Variants in RBFOX1 observed in about 807,000 individuals in gnomAD.
The protein encoded by RBFOX1 is RNA binding fox-1 homolog 1.
RBFOX1 carries 8 observed loss-of-function variants against 57.7 expected under a neutral mutation model. The ratio of observed to expected loss-of-function variants is 0.14; its 90% CI spans 0.08 to 0.25. The LOEUF (loss-of-function observed/expected upper bound fraction) is 0.25, where lower values mean the gene tolerates loss of function less well. RBFOX1 is among the 10% of genes least tolerant of loss of function. The pLI is 1.00. For synonymous variants in RBFOX1, 326 were observed against 222.4 expected (o/e 1.47, Z -4.15); for missense variants, 611 against 548.5 (o/e 1.11, Z -1.14).
At chr16:7,568,502 G>A (rs1027781371) in intron 5 of RBFOX1, among the ~76,000 whole-genome samples, 2 of 152,174 alleles carry the variant, frequency 1.3e-5, no homozygotes, top group South Asian at 4.2e-4. Flanking sequence ...TGGTTTCGGT[G>A]GGATTTGGCT....
chr16:7,431,561 A>G (rs1425509532), intron 4 of RBFOX1, among the ~76,000 whole-genome samples: 1 of 152,158 alleles, frequency 6.6e-6, no homozygotes, highest in Non-Finnish European at 1.5e-5. Flanking sequence ...TATGTCTTTT[A>G]TTTTTAAAAA....
At chr16:7,427,778 C>G (rs62015707) in intron 4 of RBFOX1, among the ~76,000 whole-genome samples, 1 of 151,930 alleles carries the variant, frequency 6.6e-6, no homozygotes, top group Non-Finnish European at 1.5e-5. Flanking sequence ...CTCAGCCTCC[C>G]GAGTAGCTGG....
At position 7,301,016 on chromosome 16, in the gene RBFOX1, T is replaced by C. The variant is rs1000554979; in HGVS notation, c.28-217131T>C. 9.3e-5 allele frequency among the ~76,000 whole-genome samples: 14 copies of C among 149,878 alleles called. No homozygotes were observed. The East Asian group carries it at 2.0e-3, about 22-fold the overall frequency. On this transcript the variant is annotated intron_variant, in intron 4 of 15. Coordinates refer to ENST00000550418, the MANE Select transcript of RBFOX1 (RefSeq NM_018723.4). The stretch of plus-strand genomic sequence containing the variant: ...ATTTTCTTTCCCCACTTCTCCCATT[T>C]ATTGATGTTGGAGAATCATGCCAGA...
intron 4 of RBFOX1, among the ~76,000 whole-genome samples, chr16:7,243,346 C>G (rs1203123431): frequency 6.6e-6 from 1 of 152,016 alleles, no homozygotes; most frequent in African/African-American, 2.4e-5. Context: ...ACCTTTAGTT[C>G]TTTTATGTAT....
At chr16:7,637,427 A>G (rs949180702) in intron 11 of RBFOX1, among the ~76,000 whole-genome samples, 1 of 152,240 alleles carries the variant, frequency 6.6e-6, no homozygotes, top group East Asian at 1.9e-4. Flanking sequence ...TTGATTGCAG[A>G]TTTTAAGGAA....
In RBFOX1 at chr16:5,751,934, A is replaced by G. The variant is rs2053221568; in HGVS notation, c.319-115369A>G. On this transcript the variant is annotated intron_variant, in intron 3 of 19. Coordinates refer to the RBFOX1 transcript ENST00000641259. ...CAATCCCATTCCTGGGTATATACCC[A>G]AAGGAATATAAATCGTTCTATTATA... Among the ~76,000 whole-genome samples, 7 of 152,216 alleles carry G rather than the reference A, an allele frequency of 4.6e-5. No individual in the cohort carries two copies. The South Asian group carries it at 1.4e-3, about 32-fold the overall frequency.
At chr16:7,599,691 G>A (rs1453044244) in intron 9 of RBFOX1, among the ~76,000 whole-genome samples, 1 of 132,766 alleles carries the variant, frequency 7.5e-6, no homozygotes, top group African/African-American at 3.3e-5. Flanking sequence ...TTTCACCCAG[G>A]CTGGAGGGCA....
chr16:7,666,708 G>A (rs755799170), intron 13 of RBFOX1, among the ~76,000 whole-genome samples: 6 of 152,166 alleles, frequency 3.9e-5, no homozygotes, highest in African/African-American at 7.2e-5. Context: ...ACAGAGCAAT[G>A]CAAATAGAGA....
intron 2 of RBFOX1, among the ~76,000 whole-genome samples, chr16:6,442,318 G>A (rs914974295): frequency 2.0e-5 from 3 of 152,188 alleles, no homozygotes; most frequent in Non-Finnish European, 4.4e-5. Flanking sequence ...AGCACTTTGG[G>A]AGGCCAAGGT....
chr16:6,921,096 C>G (rs1276391045), intron 3 of RBFOX1, among the ~76,000 whole-genome samples: 4 of 152,134 alleles, frequency 2.6e-5, no homozygotes, highest in Non-Finnish European at 5.9e-5. Flanking sequence ...CATTCGTTAG[C>G]TTTGTGACCA....
At chr16:7,165,963 C>CACACATACATACAT (rs1251061172) in intron 4 of RBFOX1, among the ~76,000 whole-genome samples, 1 of 76,042 alleles carries the variant, frequency 1.3e-5, no homozygotes, top group Non-Finnish European at 3.6e-5. Flanking sequence ...CACACACACA[C>CACACATACATACAT]ACATACATAC....
At chr16:5,713,862 A>T (rs926373983) in intron 3 of RBFOX1, among the ~76,000 whole-genome samples, 2 of 152,172 alleles carry the variant, frequency 1.3e-5, no homozygotes, top group Non-Finnish European at 2.9e-5. Context: ...ATCTGCAGTG[A>T]CCTTCTTGTT....
chr16:6,002,591 A>G (rs985254427), intron 4 of RBFOX1, among the ~76,000 whole-genome samples: 2 of 152,186 alleles, frequency 1.3e-5, no homozygotes, highest in Admixed American at 1.3e-4. Flanking sequence ...GAACTCCATA[A>G]TTGAGAGAAG....
chr16:7,097,856 A>G (rs1767446785), intron 4 of RBFOX1, among the ~76,000 whole-genome samples: 1 of 152,206 alleles, frequency 6.6e-6, no homozygotes, highest in Admixed American at 6.5e-5. Flanking sequence ...TGAGTTAGGG[A>G]GAAGGGGTTG....
chr16:5,905,033 C>T (rs1166000373), intron 4 of RBFOX1, among the ~76,000 whole-genome samples: 1 of 144,358 alleles, frequency 6.9e-6, no homozygotes, highest in African/African-American at 2.6e-5. Context: ...CTGGGTGAGC[C>T]TTAATCCCAT....
chr16:6,980,694 T>G (rs7189509), intron 3 of RBFOX1, among the ~76,000 whole-genome samples: 6,063 of 152,134 alleles, frequency 0.04, 402 homozygotes, highest in African/African-American at 0.14. Flanking sequence ...CTCCCGGAGA[T>G]AATTTGGAGG....
At position 6,816,967 on chromosome 16, in the gene RBFOX1, C is replaced by T. The variant is rs114648918; in HGVS notation, c.-16+162317C>T. ...TTAACTGAGTTGCCCAGGGTGGTCT[C>T]ATACTCCTGTGCTCAAGCGATCCCA... On this transcript the variant is annotated intron_variant, in intron 3 of 15. Transcript: ENST00000550418. 3.4e-3 allele frequency among the ~76,000 whole-genome samples: 510 copies of T among 152,134 alleles called. 2 individuals carry two copies. Among genetic ancestry groups the T allele is most frequent in the African/African-American group, 0.012 (482 of 41,518 alleles).
chr16:5,786,184 C>G (rs1381715546), intron 3 of RBFOX1, among the ~76,000 whole-genome samples: 1 of 152,212 alleles, frequency 6.6e-6, no homozygotes, highest in Non-Finnish European at 1.5e-5. Context: ...TGTGTTCTCT[C>G]TGCCCTTCAA....
At chr16:7,332,411 CAG>C (rs909935898) in intron 4 of RBFOX1, among the ~76,000 whole-genome samples, 10 of 152,172 alleles carry the variant, frequency 6.6e-5, no homozygotes, top group Non-Finnish European at 1.5e-4. Flanking sequence ...AATTTGAAAT[CAG>C]AGAGAGAGCG....
Sources: gnomAD v4.1 joint callset for allele counts (sites outside exome capture counted in the v4.1 genomes callset) on GRCh38, gnomAD v4.1.1 for gene constraint, MANE v1.5 for transcripts, NCBI Gene and HGNC (gene_info 2026-07-23, HGNC 2026-07-21) for gene names.